Variants in DIAPH2 observed in about 807,000 individuals in gnomAD.
DIAPH2 encodes protein diaphanous homolog 2.
A neutral mutation model predicts 92.7 loss-of-function variants in DIAPH2; 35 were observed. That is an observed-to-expected ratio of 0.38 (90% CI 0.29 to 0.50). The LOEUF (loss-of-function observed/expected upper bound fraction) is 0.50. DIAPH2 is among the 20% of genes least tolerant of loss of function. DIAPH2 has a pLI of 0.94. For missense variants in DIAPH2, 701 were observed against 819.5 expected, an observed-to-expected ratio of 0.86 and a Z score of 1.77; for synonymous variants, 301 against 280.4, an observed-to-expected ratio of 1.07 and a Z score of -0.73.
chrX:97,239,846 CTCTCTCTCTCTCTT>C (rs1569338180), intron 22 of DIAPH2, among the ~76,000 whole-genome samples: 1 of 108,463 alleles, frequency 9.2e-6, no homozygotes, highest in Non-Finnish European at 1.9e-5. Flanking sequence ...CTCTCTCTCT[CTCTCTCTCTCTCTT>C]TCTCTCTCTC....
intron 23 of DIAPH2, among the ~76,000 whole-genome samples, chrX:97,263,902 T>TTATG (rs1410551884): frequency 2.0e-5 from 2 of 99,236 alleles, no homozygotes; most frequent in Non-Finnish European, 4.0e-5. Flanking sequence ...TGTTAGTTTT[T>TTATG]TATTTATTTA....
chrX:97,215,509 C>T (rs766654330), intron 22 of DIAPH2, among the ~76,000 whole-genome samples: 12 of 111,965 alleles, frequency 1.1e-4, no homozygotes, highest in Admixed American at 6.7e-4. Flanking sequence ...AAGTTATTTG[C>T]TCACCATCAG....
intron 22 of DIAPH2, among the ~76,000 whole-genome samples, chrX:97,176,464 A>G (rs1304116976): frequency 1.8e-5 from 2 of 111,879 alleles, no homozygotes; most frequent in Non-Finnish European, 3.8e-5. Flanking sequence ...ACTGTCAAAT[A>G]CAGTTGTCCC....
At chrX:97,046,170 T>G (rs1176830894) in intron 17 of DIAPH2, among the ~76,000 whole-genome samples, 3 of 106,185 alleles carry the variant, frequency 2.8e-5, no homozygotes, top group Non-Finnish European at 5.8e-5. Flanking sequence ...TTTATGTGGT[T>G]TTTTTTTTTT....
chrX:97,241,858 C>G (rs1343591065), intron 22 of DIAPH2, among the ~76,000 whole-genome samples: 1 of 96,700 alleles, frequency 1.0e-5, no homozygotes, highest in East Asian at 3.3e-4. Context: ...TCACTGCAAC[C>G]TTTGCCTCCC....
At chrX:97,478,490 A>G (rs989267715) in intron 26 of DIAPH2, among the ~76,000 whole-genome samples, 2 of 111,942 alleles carry the variant, frequency 1.8e-5, no homozygotes, top group Non-Finnish European at 3.8e-5. Flanking sequence ...GAAATCACCT[A>G]ATTTGAAATT....
intron 17 of DIAPH2, among the ~76,000 whole-genome samples, chrX:96,996,709 T>C (rs372318282): frequency 1.8e-5 from 2 of 112,139 alleles, no homozygotes; most frequent in East Asian, 5.6e-4. Context: ...AGATACTTAG[T>C]TTGAATTGCT....
intron 4 of DIAPH2, among the ~76,000 whole-genome samples, chrX:96,836,705 ATATATATATATATTTTTT>A (rs1382812644): frequency 4.6e-5 from 1 of 21,952 alleles, no homozygotes; most frequent in African/African-American, 1.9e-4. Context: ...ATATATATAT[ATATATATATATATTTTTT>A]TTTTTTTTTT....
intron 22 of DIAPH2, among the ~76,000 whole-genome samples, chrX:97,237,744 G>T (rs1254112000): frequency 9.1e-6 from 1 of 110,231 alleles, no homozygotes; most frequent in East Asian, 2.8e-4. Flanking sequence ...ACCGCGCCTG[G>T]CTAATTTTTT....
chrX:96,746,595 T>C (rs948365808), intron 3 of DIAPH2, among the ~76,000 whole-genome samples: 5 of 110,784 alleles, frequency 4.5e-5, no homozygotes, highest in Non-Finnish European at 9.5e-5. Context: ...GCTGTGTCCA[T>C]TAGGCTGTAG....
intron 17 of DIAPH2, among the ~76,000 whole-genome samples, chrX:97,010,654 T>G (rs2066218434): frequency 8.9e-6 from 1 of 111,877 alleles, no homozygotes; most frequent in Non-Finnish European, 1.9e-5. Flanking sequence ...GAGGAAAATT[T>G]TATATGACGT....
intron 1 of DIAPH2, among the ~76,000 whole-genome samples, chrX:96,719,306 A>G (rs1411310465): frequency 1.8e-5 from 2 of 111,649 alleles, no homozygotes; most frequent in East Asian, 5.6e-4. Context: ...TTATGTGTCC[A>G]TTTTTGGTTT....
At chrX:97,469,957 T>C (rs1261091522) in intron 26 of DIAPH2, 11 of 551,652 alleles carry the variant, frequency 2.0e-5, no homozygotes, top group Non-Finnish European at 2.9e-5. Context: ...AAAGAAAATA[T>C]AGACTTGGGA....
chrX:97,056,073 A>G (rs1329316373), intron 17 of DIAPH2, among the ~76,000 whole-genome samples: 1 of 111,123 alleles, frequency 9.0e-6, no homozygotes, highest in Non-Finnish European at 1.9e-5. Flanking sequence ...AGTTTTTTTC[A>G]TTATGTGTGT....
chrX:97,025,071 C>T (rs1332279034), intron 17 of DIAPH2, among the ~76,000 whole-genome samples: 1 of 112,478 alleles, frequency 8.9e-6, no homozygotes, highest in Non-Finnish European at 1.9e-5. Context: ...CCTACCCAGG[C>T]TGGGTGCGGT....
At chrX:96,728,211 A>AG (rs2147558298) in intron 1 of DIAPH2, among the ~76,000 whole-genome samples, 1 of 108,809 alleles carries the variant, frequency 9.2e-6, no homozygotes, top group Non-Finnish European at 1.9e-5. Context: ...TTATATGGTT[A>AG]GTTTTTTTTT....
intron 23 of DIAPH2, among the ~76,000 whole-genome samples, chrX:97,281,049 T>C (rs377214242): frequency 8.9e-6 from 1 of 112,167 alleles, no homozygotes; most frequent in East Asian, 2.8e-4. Flanking sequence ...AACTGAAAGA[T>C]TTTCTACTTT....
At position 97,500,773 on chromosome X, in the gene DIAPH2, T is replaced by G. The variant is rs1477612355; in HGVS notation, c.3241+71028T>G. Reference sequence around the variant, plus strand: ...ACAGCCATTCAAGGAGATATATATATATATATATATATATATATATATATA... The same window carrying G: ...ACAGCCATTCAAGGAGATATATATAGATATATATATATATATATATATATA... On this transcript the variant is annotated intron_variant, in intron 26 of 26. Transcript: ENST00000324765. 6.1e-3 allele frequency among the ~76,000 whole-genome samples: 447 copies of G among 73,265 alleles called. 2 individuals are homozygous for G. The highest frequency in any genetic ancestry group is 8.3e-3 in the Non-Finnish European group (365 of 43,762). The allele number at this position is 73,265 out of a possible 115,157, so 63.6% of individuals were successfully genotyped here.
intron 26 of DIAPH2, among the ~76,000 whole-genome samples, chrX:97,516,645 G>T (rs2070951009): frequency 8.9e-6 from 1 of 112,249 alleles, no homozygotes; most frequent in Non-Finnish European, 1.9e-5. Context: ...TACAGATATT[G>T]TGTCATCTCT....
Sources: gnomAD v4.1 joint callset for allele counts (sites outside exome capture counted in the v4.1 genomes callset) on GRCh38, gnomAD v4.1.1 for gene constraint, MANE v1.5 for transcripts, NCBI Gene and HGNC (gene_info 2026-07-23, HGNC 2026-07-21) for gene names.